EVL: variants seen among roughly 807,000 people sequenced by gnomAD.
EVL encodes the protein ena/VASP-like protein.
Under a neutral mutation model 59.6 loss-of-function variants are expected in EVL, and 21 were observed. The ratio of observed to expected loss-of-function variants is 0.35; its 90% CI spans 0.25 to 0.51. EVL has a LOEUF of 0.51. Among genes scored for constraint, EVL ranks in the 20% least tolerant of loss-of-function variants. EVL has a pLI of 0.97. For missense variants in EVL, 462 were observed against 546.6 expected, an observed-to-expected ratio of 0.85 and a Z score of 1.54; for synonymous variants, 198 against 203.5, an observed-to-expected ratio of 0.97 and a Z score of 0.23.
chr14:100,075,619 A>G (rs2062144027), intron 1 of EVL, among the ~76,000 whole-genome samples: 1 of 152,180 alleles, frequency 6.6e-6, no homozygotes, highest in South Asian at 2.1e-4. Context: ...TCACTGAGGA[A>G]GGGTATCTGA....
intron 1 of EVL, among the ~76,000 whole-genome samples, chr14:100,065,899 G>A (rs749855467): frequency 6.6e-6 from 1 of 152,152 alleles, no homozygotes; most frequent in Non-Finnish European, 1.5e-5. Context: ...CCCGAGACTG[G>A]TTGTTTTTTC....
chr14:100,041,786 A>T (rs1306968608), intron 1 of EVL, among the ~76,000 whole-genome samples: 1 of 152,176 alleles, frequency 6.6e-6, no homozygotes, highest in Non-Finnish European at 1.5e-5. Context: ...TTTTCCAGGT[A>T]TTTTTTGGTG....
chr14:100,118,365 G>C (rs1887483608), intron 3 of EVL, among the ~76,000 whole-genome samples: 1 of 152,192 alleles, frequency 6.6e-6, no homozygotes, highest in African/African-American at 2.4e-5. Flanking sequence ...CCTTGCTTTG[G>C]AATCCTTTGT....
At chr14:100,005,433 G>A (rs1595557148) in intron 1 of EVL, among the ~76,000 whole-genome samples, 1 of 152,178 alleles carries the variant, frequency 6.6e-6, no homozygotes, top group Middle Eastern at 3.4e-3. Context: ...TAACCCCTAT[G>A]CCAAATTTTG....
chr14:100,047,112 CTCTCTCTTTT>C (rs1566983242), intron 1 of EVL, among the ~76,000 whole-genome samples: 1 of 11,410 alleles, frequency 8.8e-5, no homozygotes, highest in Middle Eastern at 0.05. Flanking sequence ...GGGCAGATCT[CTCTCTCTTTT>C]TTTTTTTTTT....
chr14:100,083,654 A>T (rs2062364348), intron 1 of EVL, among the ~76,000 whole-genome samples: 1 of 152,192 alleles, frequency 6.6e-6, no homozygotes, highest in African/African-American at 2.4e-5. Flanking sequence ...TCTCTGTCAT[A>T]CTTTGAACAA....
At chr14:100,022,369 C>T (rs112984681) in intron 1 of EVL, among the ~76,000 whole-genome samples, 2 of 151,814 alleles carry the variant, frequency 1.3e-5, no homozygotes, top group African/African-American at 4.8e-5. Flanking sequence ...CCTCTGCATC[C>T]TGGATTCAAG....
At chr14:100,019,647 A>G (rs2061086032) in intron 1 of EVL, 2 of 1,532,188 alleles carry the variant, frequency 1.3e-6, no homozygotes, top group South Asian at 2.4e-5. Context: ...ATCTAAGGAA[A>G]TTGTCTCTGA....
At chr14:100,050,852 C>T (rs1424476461) in intron 1 of EVL, among the ~76,000 whole-genome samples, 1 of 150,452 alleles carries the variant, frequency 6.6e-6, no homozygotes, top group Non-Finnish European at 1.5e-5. Context: ...AAGCAGTCCT[C>T]CCGCCTCAGC....
chr14:100,137,818 C>G lies in EVL; in HGVS notation c.1094+16C>G, dbSNP rs1176854950. 2 of 1,613,634 alleles carry G rather than the reference C, an allele frequency of 1.2e-6. No individual in the cohort carries two copies. The highest frequency in any genetic ancestry group is 1.7e-5 in the Admixed American group (1 of 60,034). On this transcript the variant is annotated intron_variant, in intron 11 of 13. Coordinates refer to ENST00000392920, the MANE Select transcript of EVL (RefSeq NM_016337.3). ...CTCACTCTAGGTACCGAACAACCCT[C>G]CTGCTCACATGTCCCCCAGGGTTTG...
intron 1 of EVL, among the ~76,000 whole-genome samples, chr14:100,034,252 AAAAAG>A (rs1306253254): frequency 2.1e-4 from 31 of 150,550 alleles, no homozygotes; most frequent in Non-Finnish European, 3.2e-4. Context: ...AAAAAAAAAG[AAAAAG>A]AAAAGAAAAA....
Position 100,118,348 on chromosome 14 carries a change from G to A in EVL, c.359-5191G>A, listed in dbSNP as rs946977491. On this transcript the variant is annotated intron_variant, in intron 3 of 13. Transcript: ENST00000392920. ...ACACTAGGACAGCTTTCTTGAAGAT[G>A]GCAGTACCTTGCTTTGGAATCCTTT... Among the ~76,000 whole-genome samples the A allele has an allele frequency of 4.1e-4, 62 of 152,172 alleles. 1 individual carries two copies. The highest frequency in any genetic ancestry group is 2.0e-4 in the Admixed American group (3 of 15,278).
At position 100,093,330 on chromosome 14, in the gene EVL, A is replaced by G. The variant is rs148386623; in HGVS notation, c.181-4151A>G. On this transcript the variant is annotated intron_variant, in intron 2 of 13. Coordinates refer to ENST00000392920, the MANE Select transcript of EVL (RefSeq NM_016337.3). ...AATATTCAGTGCAGTATTATTTATA[A>G]TATTATCTTCATCTTACATGTGAGG... Among the ~76,000 whole-genome samples, 573 of 152,320 alleles carry G rather than the reference A, an allele frequency of 3.8e-3. 3 individuals carry two copies. Among genetic ancestry groups the G allele is most frequent in the Non-Finnish European group, 6.0e-3 (406 of 68,028 alleles).
intron 1 of EVL, among the ~76,000 whole-genome samples, chr14:100,015,003 G>T (rs1595563534): frequency 6.6e-6 from 1 of 152,164 alleles, no homozygotes; most frequent in African/African-American, 2.4e-5. Context: ...GTGCATATTA[G>T]TAAATGTTGA....
chr14:100,142,755 C>G (rs1889266907), intron 13 of EVL, among the ~76,000 whole-genome samples: 1 of 152,194 alleles, frequency 6.6e-6, no homozygotes, highest in South Asian at 2.1e-4. Flanking sequence ...AAGGAGTTAA[C>G]AAATGAGGGG....
At chr14:99,985,708 G>A (rs575718270) in intron 1 of EVL, among the ~76,000 whole-genome samples, 35 of 151,924 alleles carry the variant, frequency 2.3e-4, no homozygotes, top group African/African-American at 6.3e-4. Context: ...TGGAGGTTGC[G>A]GTGAGCCAAG....
chr14:100,073,679 T>C (rs1205762508), intron 1 of EVL, among the ~76,000 whole-genome samples: 1 of 152,026 alleles, frequency 6.6e-6, no homozygotes, highest in African/African-American at 2.4e-5. Flanking sequence ...GGTGGCCAGA[T>C]CTCAAGTAAG....
At chr14:100,053,378 C>G (rs8016896) in intron 1 of EVL, among the ~76,000 whole-genome samples, 185 of 152,178 alleles carry the variant, frequency 1.2e-3, no homozygotes, top group African/African-American at 4.3e-3. Context: ...CATGGCTACT[C>G]CTCCCTTAGT....
chr14:99,985,773 GA>G (rs11339070), intron 1 of EVL, among the ~76,000 whole-genome samples: 43,533 of 138,562 alleles, frequency 0.31, 9,944 homozygotes, highest in African/African-American at 0.65. Context: ...ATCTCAGAAA[GA>G]AAAAAAAAAA....
Sources: allele counts gnomAD v4.1 joint callset (sites outside exome capture counted in the v4.1 genomes callset), GRCh38; gene constraint gnomAD v4.1.1; transcripts MANE v1.5; gene names NCBI Gene and HGNC (gene_info 2026-07-23, HGNC 2026-07-21).